The following WFDC9 variants were observed in gnomAD, a reference collection of about 807,000 sequenced individuals.
WFDC9 encodes protein WFDC9.
A neutral mutation model predicts 9.5 loss-of-function variants in WFDC9; 9 were observed. That is an observed-to-expected ratio of 0.95 (90% CI 0.57 to 1.65). WFDC9 has a LOEUF of 1.65. Ranked by LOEUF, WFDC9 falls within the 40% of genes most tolerant of loss-of-function variation. WFDC9 has a pLI of 0.00. For synonymous variants in WFDC9, 33 were observed against 32.3 expected (o/e 1.02, Z -0.07); for missense variants, 87 against 106.7 (o/e 0.82, Z 0.81).
intron 1 of WFDC9, among the ~76,000 whole-genome samples, chr20:45,630,272 T>C (rs1000119134): frequency 2.6e-5 from 4 of 152,032 alleles, no homozygotes. Flanking sequence ...GTTATGACGG[T>C]AGGTGTAGGT....
intron 1 of WFDC9, among the ~76,000 whole-genome samples, chr20:45,622,783 TTTAA>T (rs1356777858): frequency 6.6e-6 from 1 of 152,198 alleles, no homozygotes; most frequent in African/African-American, 2.4e-5. Flanking sequence ...TATGCATGAT[TTTAA>T]TTAATTCTGT....
chr20:45,611,088 A>G (rs552443313), intron 2 of WFDC9, among the ~76,000 whole-genome samples: 5 of 152,228 alleles, frequency 3.3e-5, no homozygotes, highest in Non-Finnish European at 5.9e-5. Flanking sequence ...ACGACATTTC[A>G]TGTTTCCAAT....
intron 1 of WFDC9, chr20:45,629,966 T>C: frequency 1.9e-6 from 3 of 1,589,494 alleles, no homozygotes; most frequent in Non-Finnish European, 2.6e-6. Flanking sequence ...AGGGCCTGTG[T>C]CCAGTCTGAG....
At position 45,610,081 on chromosome 20, in the gene WFDC9, C is replaced by T. The variant is rs547976733; in HGVS notation, c.91+10G>A. 6.2e-6 allele frequency: 10 copies of T among 1,613,534 alleles called. No individual in the cohort carries two copies. Among genetic ancestry groups the T allele is most frequent in the Middle Eastern group, 1.7e-4 (1 of 6,058 alleles). On this transcript the variant is annotated intron_variant, in intron 3 of 4. Transcript: ENST00000326000. ...GGGCAGAGCACCCCGTCCCTTTTCACACCACCCACAGGGATCTTTGTTCCA... is the reference window on the plus strand; with the variant it reads ...GGGCAGAGCACCCCGTCCCTTTTCATACCACCCACAGGGATCTTTGTTCCA...
intron 2 of WFDC9, among the ~76,000 whole-genome samples, chr20:45,612,784 A>T (rs1426291754): frequency 6.6e-6 from 1 of 152,182 alleles, no homozygotes; most frequent in Non-Finnish European, 1.5e-5. Flanking sequence ...AAAGAGAAAA[A>T]TTTGAACTAT....
chr20:45,626,744 CT>C (rs1372125081), intron 1 of WFDC9, among the ~76,000 whole-genome samples: 1 of 152,196 alleles, frequency 6.6e-6, no homozygotes, highest in Non-Finnish European at 1.5e-5. Context: ...GTGACTTCCT[CT>C]TTTCCAATTT....
intron 2 of WFDC9, among the ~76,000 whole-genome samples, chr20:45,611,016 C>T (rs1028912543): frequency 4.6e-5 from 7 of 152,108 alleles, no homozygotes; most frequent in Admixed American, 2.6e-4. Flanking sequence ...CTGGCCAAAG[C>T]GGCCTGTAGT....
chr20:45,629,183 C>T (rs1209845657), intron 1 of WFDC9, among the ~76,000 whole-genome samples: 1 of 152,164 alleles, frequency 6.6e-6, no homozygotes, highest in Non-Finnish European at 1.5e-5. Flanking sequence ...CTTACTCTTT[C>T]ACTCAGGAAT....
At chr20:45,630,893 A>G (rs1164239861) in intron 1 of WFDC9, 1 of 1,605,242 alleles carries the variant, frequency 6.2e-7, no homozygotes, top group African/African-American at 1.3e-5. Context: ...CCCAGAAATC[A>G]AAGTCTGCCA....
Position 45,608,165 on chromosome 20 carries a change from G to C in WFDC9, c.240-25C>G, listed in dbSNP as rs367917564. On this transcript the variant is annotated intron_variant, in intron 4 of 4. Coordinates refer to ENST00000326000, the MANE Select transcript of WFDC9 (RefSeq NM_147198.4). Reference sequence around the variant, plus strand: ...TCTAGAAGAGAAAAGTTAGTCAAAAGTCAAGAATCCTGGGATAAATCCATT... The same window carrying C: ...TCTAGAAGAGAAAAGTTAGTCAAAACTCAAGAATCCTGGGATAAATCCATT... 1.2e-5 allele frequency: 19 copies of C among 1,605,672 alleles called. No individual in the cohort carries two copies. In the African/African-American group the frequency reaches 2.4e-4, roughly 20 times the overall value.
At chr20:45,614,055 C>T (rs1232699593) in intron 2 of WFDC9, among the ~76,000 whole-genome samples, 2 of 152,160 alleles carry the variant, frequency 1.3e-5, no homozygotes, top group African/African-American at 4.8e-5. Context: ...CAAAATACCA[C>T]CCTAGACCCA....
intron 1 of WFDC9, 41 bp from the exon 2 acceptor site, chr20:45,614,762 G>A (rs1238763798): frequency 6.6e-6 from 1 of 152,184 alleles, no homozygotes; most frequent in Non-Finnish European, 1.5e-5. Context: ...CAAAGGCCAG[G>A]AACTTAATGG....
chr20:45,617,128 G>T (rs1296213248), intron 1 of WFDC9, among the ~76,000 whole-genome samples: 1 of 152,148 alleles, frequency 6.6e-6, no homozygotes, highest in African/African-American at 2.4e-5. Flanking sequence ...TGAACAAAAT[G>T]GGAGTTAGGG....
rs546288983 is a variant in WFDC9 at position 45,608,616 on chromosome 20, T to A, written c.239+47A>T. 84 of 1,582,264 alleles carry A rather than the reference T, an allele frequency of 5.3e-5. 1 individual carries two copies. The South Asian group carries it at 9.8e-4, about 18-fold the overall frequency. On this transcript the variant is annotated intron_variant, in intron 4 of 4. Transcript: ENST00000326000. ...CTTTTGAATAGTCGGTAAGGACCAG[T>A]GATGAAGCATGCCCAGGCCCTAGCC... is the stretch of plus-strand genomic sequence containing the variant.
chr20:45,615,251 T>C (rs1173759981), intron 1 of WFDC9, among the ~76,000 whole-genome samples: 15 of 152,178 alleles, frequency 9.9e-5, no homozygotes, highest in Admixed American at 8.5e-4. Flanking sequence ...GTTCTTGCCA[T>C]GAGCTTGTTG....
At chr20:45,617,968 G>A (rs1366169105) in intron 1 of WFDC9, among the ~76,000 whole-genome samples, 1 of 152,186 alleles carries the variant, frequency 6.6e-6, no homozygotes, top group Non-Finnish European at 1.5e-5. Flanking sequence ...AAATGGAAGT[G>A]GATCATCATA....
chr20:45,620,179 T>C (rs899582323), intron 1 of WFDC9, among the ~76,000 whole-genome samples: 1 of 152,194 alleles, frequency 6.6e-6, no homozygotes, highest in Non-Finnish European at 1.5e-5. Flanking sequence ...TTCAGACATA[T>C]GGGATTTGCT....
intron 2 of WFDC9, among the ~76,000 whole-genome samples, chr20:45,613,711 C>T (rs894937951): frequency 9.2e-5 from 14 of 152,200 alleles, no homozygotes; most frequent in South Asian, 2.1e-4. Flanking sequence ...CTTCTCCTTT[C>T]GTTTCTCTCC....
chr20:45,630,004 C>A, intron 1 of WFDC9: 12 of 1,484,352 alleles, frequency 8.1e-6, no homozygotes, highest in Non-Finnish European at 1.1e-5. Context: ...AAACTCTCTG[C>A]ATATCCAGCT....
Sources: allele counts gnomAD v4.1 joint callset (sites outside exome capture counted in the v4.1 genomes callset), GRCh38; gene constraint gnomAD v4.1.1; transcripts MANE v1.5; gene names NCBI Gene and HGNC (gene_info 2026-07-23, HGNC 2026-07-21).